The following TMEM44 variants were observed in gnomAD, a reference collection of about 807,000 sequenced individuals.
TMEM44 encodes the protein transmembrane protein 44.
In TMEM44, 43 loss-of-function variants were observed where a neutral mutation model predicts 47.8. The ratio of observed to expected loss-of-function variants is 0.90; its 90% CI spans 0.70 to 1.16. TMEM44 has a LOEUF of 1.16. TMEM44 is among the 50% of genes most tolerant of loss of function. TMEM44 has a pLI of 0.00. For missense variants in TMEM44, 568 were observed against 555.2 expected, an observed-to-expected ratio of 1.02 and a Z score of -0.23; for synonymous variants, 277 against 238.8, an observed-to-expected ratio of 1.16 and a Z score of -1.48.
intron 5 of TMEM44, chr3:194,622,786 G>A (rs371497929): frequency 1.9e-5 from 3 of 159,890 alleles, no homozygotes; most frequent in East Asian, 1.9e-4. Flanking sequence ...GACCTCAAGC[G>A]ACCCGCCCCG....
chr3:194,633,247 G>A lies in TMEM44; in HGVS notation c.-32C>T, dbSNP rs1409691826. 19 of 1,190,680 alleles carry A rather than the reference G, an allele frequency of 1.6e-5. No individual in the cohort carries two copies. The highest frequency in any genetic ancestry group is 2.0e-5 in the Non-Finnish European group (19 of 951,106). 73.8% of individuals were successfully genotyped at this position (1,190,680 alleles called of 1,614,324 possible). On this transcript the variant is annotated 5_prime_UTR_variant, in exon 1 of 10. Transcript: ENST00000347147. ...GCTGGGCGCGCGGCGCGGGGCCGGGGACCTGGGCGCAGCCTCCCTCGCCGC... is the reference window on the plus strand; with the variant it reads ...GCTGGGCGCGCGGCGCGGGGCCGGGAACCTGGGCGCAGCCTCCCTCGCCGC...
intron 3 of TMEM44, 60 bp downstream of exon 3, chr3:194,625,837 T>C (rs1290745337): frequency 7.0e-7 from 1 of 1,437,550 alleles, no homozygotes; most frequent in Non-Finnish European, 9.8e-7. Flanking sequence ...GGAGTAGGCA[T>C]TCGGCGTGCT....
chr3:194,601,435 G>T (rs749325472), intron 9 of TMEM44, among the ~76,000 whole-genome samples: 19 of 152,088 alleles, frequency 1.2e-4, no homozygotes, highest in Non-Finnish European at 2.5e-4. Flanking sequence ...CTCCCAAGTA[G>T]CTGGGATTAC....
chr3:194,604,089 G>A (rs1379018520), intron 9 of TMEM44, among the ~76,000 whole-genome samples, 198 bp downstream of exon 9: 1 of 152,134 alleles, frequency 6.6e-6, no homozygotes, highest in Non-Finnish European at 1.5e-5. Flanking sequence ...CCTGACCTCA[G>A]GTGATCCACC....
intron 9 of TMEM44, among the ~76,000 whole-genome samples, chr3:194,602,383 C>T (rs1474198719): frequency 1.3e-5 from 2 of 152,092 alleles, no homozygotes; most frequent in Admixed American, 1.3e-4. Flanking sequence ...GGGTGGATCA[C>T]CTGAGGTCAG....
chr3:194,632,156 G>C (rs1164733929), intron 1 of TMEM44, among the ~76,000 whole-genome samples: 1 of 152,166 alleles, frequency 6.6e-6, no homozygotes, highest in Non-Finnish European at 1.5e-5. Flanking sequence ...CTACCTCCTG[G>C]TGCTGATATT....
chr3:194,625,730 T>G (rs529134526), intron 3 of TMEM44, among the ~76,000 whole-genome samples, 167 bp downstream of exon 3: 16 of 152,214 alleles, frequency 1.1e-4, no homozygotes, highest in Non-Finnish European at 1.9e-4. Flanking sequence ...TCTGCCCACC[T>G]CAGCCTCCCA....
chr3:194,603,054 G>A (rs1461342190), intron 9 of TMEM44, among the ~76,000 whole-genome samples: 5 of 152,156 alleles, frequency 3.3e-5, no homozygotes. Context: ...AAGACAGCTG[G>A]CAATTGTCTA....
At chr3:194,589,346 G>A (rs1319515958) in intron 9 of TMEM44, 1 of 152,356 alleles carries the variant, frequency 6.6e-6, no homozygotes, top group Non-Finnish European at 1.5e-5. Context: ...CCCCCAGGAA[G>A]CCTACCTTGA....
intron 8 of TMEM44, 142 bp from the exon 9 acceptor site, chr3:194,604,587 G>T: frequency 9.3e-7 from 1 of 1,078,998 alleles, no homozygotes; most frequent in South Asian, 1.7e-5. Flanking sequence ...TCCTGCCCTG[G>T]CCATCCAGCT....
At chr3:194,596,619 C>T (rs1206808971) in intron 9 of TMEM44, among the ~76,000 whole-genome samples, 1 of 152,126 alleles carries the variant, frequency 6.6e-6, no homozygotes, top group African/African-American at 2.4e-5. Context: ...GGGAGAAACC[C>T]CATCTCTACT....
chr3:194,614,088 C>T lies in TMEM44; in HGVS notation c.912+1481G>A, dbSNP rs1715628717. On this transcript the variant is annotated intron_variant, in intron 7 of 9. Transcript: ENST00000347147. ...GGTGAGCCGAGATCGTGCCACGGCA[C>T]TCCAGCCTCGGCAACAAGAGCAAAA... 3.3e-5 allele frequency among the ~76,000 whole-genome samples: 5 copies of T among 152,198 alleles called. No homozygotes were observed. In the South Asian group the frequency reaches 1.0e-3, roughly 32 times the overall value.
At chr3:194,606,298 T>C (rs185179460) in intron 8 of TMEM44, among the ~76,000 whole-genome samples, 27 of 152,254 alleles carry the variant, frequency 1.8e-4, no homozygotes, top group Non-Finnish European at 3.4e-4. Flanking sequence ...CTCAGGGGGC[T>C]TGCTGGGAAA....
chr3:194,631,784 C>T (rs1346997288), intron 1 of TMEM44, among the ~76,000 whole-genome samples: 1 of 152,148 alleles, frequency 6.6e-6, no homozygotes, highest in East Asian at 1.9e-4. Context: ...ACACACCACT[C>T]CGAAGACACA....
rs980734282 is a variant in TMEM44 at position 194,628,435 on chromosome 3, G to C, written c.212C>G (p.Thr71Ser). Residue 71 changes from threonine to serine, a missense_variant, in exon 2 of 10, where the codon ACC becomes AGC. Coordinates refer to ENST00000347147, the MANE Select transcript of TMEM44 (RefSeq NM_001011655.3). Reference protein sequence around the residue: ...SALCAACCLLTSLCDTVGALL... With the variant: ...SALCAACCLLSSLCDTVGALL... Reference sequence around the variant, plus strand: ...AGCCCCGACGGTGTCACACAGACTGGTCAGGAGGCAGCACGCAGCACACAG... The same window carrying C: ...AGCCCCGACGGTGTCACACAGACTGCTCAGGAGGCAGCACGCAGCACACAG... The C allele has an allele frequency of 1.9e-6, 3 of 1,613,366 alleles. No individual in the cohort carries two copies. Among genetic ancestry groups the C allele is most frequent in the East Asian group, 2.2e-5 (1 of 44,872 alleles).
At chr3:194,592,823 AGGCT>A (rs1318271422) in intron 9 of TMEM44, among the ~76,000 whole-genome samples, 1 of 152,148 alleles carries the variant, frequency 6.6e-6, no homozygotes, top group African/African-American at 2.4e-5. Flanking sequence ...CATGTTGGCC[AGGCT>A]GGTCTTGAAC....
chr3:194,616,768 A>C, intron 6 of TMEM44: 1 of 410,668 alleles, frequency 2.4e-6, no homozygotes, highest in Non-Finnish European at 4.7e-6. Flanking sequence ...GTTGGCATGC[A>C]CCTGTAGTCC....
intron 5 of TMEM44, 23 bp from the exon 6 acceptor site, chr3:194,617,292 T>C (rs752719312): frequency 4.5e-5 from 28 of 615,604 alleles, no homozygotes; most frequent in Middle Eastern, 3.5e-4. Flanking sequence ...AGGGAGGGGC[T>C]GGGCGGGAGA....
At chr3:194,632,846 T>C (rs1560209572) in intron 1 of TMEM44, 2 of 694,136 alleles carry the variant, frequency 2.9e-6, no homozygotes, top group Non-Finnish European at 4.3e-6. Flanking sequence ...CGGGGCCCCA[T>C]CCGCTGCACC....
Sources: allele counts gnomAD v4.1 joint callset (sites outside exome capture counted in the v4.1 genomes callset), GRCh38; gene constraint gnomAD v4.1.1; transcripts MANE v1.5; gene names NCBI Gene and HGNC (gene_info 2026-07-23, HGNC 2026-07-21).